Variants in EXOC4 observed in about 807,000 individuals in gnomAD.
The protein encoded by EXOC4 is SEC8-like 1.
A neutral mutation model predicts 107.2 loss-of-function variants in EXOC4; 71 were observed. That is an observed-to-expected ratio of 0.66 (90% CI 0.55 to 0.81). The LOEUF (loss-of-function observed/expected upper bound fraction) is 0.81. EXOC4 is among the 30% of genes least tolerant of loss of function. EXOC4 has a pLI of 0.00. For synonymous variants in EXOC4, 456 were observed against 441.2 expected, an observed-to-expected ratio of 1.03 and a Z score of -0.42; for missense variants, 1,108 against 1,189.6, an observed-to-expected ratio of 0.93 and a Z score of 1.01.
intron 10 of EXOC4, among the ~76,000 whole-genome samples, chr7:133,772,542 C>T (rs1009477554): frequency 6.9e-6 from 1 of 144,006 alleles, no homozygotes; most frequent in Non-Finnish European, 1.5e-5. Context: ...AAAAAAAAAC[C>T]TTAAATTTGA....
intron 5 of EXOC4, among the ~76,000 whole-genome samples, chr7:133,334,542 C>T (rs1383956458): frequency 6.6e-6 from 1 of 152,072 alleles, no homozygotes; most frequent in Non-Finnish European, 1.5e-5. Flanking sequence ...ATAGGTCAAC[C>T]ACTCTCTGTT....
At chr7:134,066,633 A>G (rs749256493), downstream of EXOC4, 4 of 152,150 alleles carry the variant, frequency 2.6e-5, no homozygotes, top group Admixed American at 1.3e-4. Flanking sequence ...TGGGTGGTCA[A>G]TGGCTACCTC....
chr7:133,943,348 A>G (rs568332955), intron 14 of EXOC4, among the ~76,000 whole-genome samples: 1 of 152,188 alleles, frequency 6.6e-6, no homozygotes, highest in Admixed American at 6.5e-5. Context: ...TTGGCTCTGC[A>G]TTATCAAAAT....
intron 1 of EXOC4, among the ~76,000 whole-genome samples, chr7:133,259,377 C>T (rs1217404557): frequency 2.6e-5 from 4 of 151,762 alleles, no homozygotes; most frequent in Admixed American, 2.0e-4. Context: ...GGATTACAGG[C>T]ACCATGCCCA....
chr7:133,794,412 G>A (rs1297229630), intron 10 of EXOC4, among the ~76,000 whole-genome samples: 1 of 152,168 alleles, frequency 6.6e-6, no homozygotes. Context: ...CAGTAACATG[G>A]AGGCTACCTG....
the EXOC4 span, among the ~76,000 whole-genome samples, chr7:134,074,834 A>C: frequency 2.6e-5 from 4 of 152,262 alleles, no homozygotes; most frequent in Admixed American, 2.6e-4. Flanking sequence ...AGGCTCACGG[A>C]GCATTTCTGA....
In EXOC4 at chr7:133,473,397, A is replaced by G. The variant is rs199669026; in HGVS notation, c.1183-1931A>G. Reference sequence around the variant, plus strand: ...TTTCCAAGTGCAATCCTTATTGGACAGAAAATTAAATAAAGTACATTTACT... The same window carrying G: ...TTTCCAAGTGCAATCCTTATTGGACGGAAAATTAAATAAAGTACATTTACT... On this transcript the variant is annotated intron_variant, in intron 7 of 17. Transcript: ENST00000253861. Among the ~76,000 whole-genome samples, 74 of 152,344 alleles carry G rather than the reference A, an allele frequency of 4.9e-4. No individual in the cohort carries two copies. The East Asian group carries it at 7.5e-3, about 15-fold the overall frequency.
chr7:133,318,106 T>C (rs1795032747), intron 5 of EXOC4, among the ~76,000 whole-genome samples: 3 of 152,218 alleles, frequency 2.0e-5, no homozygotes. Context: ...AGCTTCTGAG[T>C]GTGTGACCTC....
intron 7 of EXOC4, among the ~76,000 whole-genome samples, chr7:133,401,708 T>C (rs1467242753): frequency 6.6e-6 from 1 of 151,716 alleles, no homozygotes; most frequent in Non-Finnish European, 1.5e-5. Context: ...TCATTGAGAA[T>C]TTTTTTTAAT....
At chr7:133,404,014 A>G (rs576029191) in intron 7 of EXOC4, among the ~76,000 whole-genome samples, 11 of 152,222 alleles carry the variant, frequency 7.2e-5, no homozygotes, top group East Asian at 5.8e-4. Context: ...ATACCATCCT[A>G]TTAACTGATC....
At chr7:133,452,076 C>T (rs937077677) in intron 7 of EXOC4, among the ~76,000 whole-genome samples, 3 of 152,006 alleles carry the variant, frequency 2.0e-5, no homozygotes, top group Admixed American at 1.3e-4. Flanking sequence ...GCTTTTTGTC[C>T]TACTCAGAAG....
At chr7:133,735,505 T>C (rs745953326) in intron 10 of EXOC4, among the ~76,000 whole-genome samples, 42 of 152,146 alleles carry the variant, frequency 2.8e-4, no homozygotes, top group Non-Finnish European at 5.1e-4. Context: ...CCTGCCTCAG[T>C]TAAATGGGAT....
At chr7:133,759,073 T>C (rs1218154212) in intron 10 of EXOC4, among the ~76,000 whole-genome samples, 1 of 151,878 alleles carries the variant, frequency 6.6e-6, no homozygotes, top group South Asian at 2.1e-4. Context: ...TTGCTCCCCA[T>C]GCCAAAAAAC....
intron 14 of EXOC4, among the ~76,000 whole-genome samples, chr7:133,980,919 G>C (rs2116915435): frequency 6.6e-6 from 1 of 152,316 alleles, no homozygotes; most frequent in Non-Finnish European, 1.5e-5. Flanking sequence ...CAAAGCATTA[G>C]TCAATATGTG....
At chr7:134,064,074 C>G (rs1713427151) in intron 17 of EXOC4, among the ~76,000 whole-genome samples, 1 of 152,154 alleles carries the variant, frequency 6.6e-6, no homozygotes, top group African/African-American at 2.4e-5. Flanking sequence ...CCTGGGTCCT[C>G]ACTTAGACTT....
chr7:133,768,136 A>G (rs998572395), intron 10 of EXOC4: 3 of 152,002 alleles, frequency 2.0e-5, no homozygotes, highest in African/African-American at 7.2e-5. Context: ...CTAAGACAGA[A>G]GACTAAGAAA....
intron 14 of EXOC4, among the ~76,000 whole-genome samples, chr7:133,956,465 C>G (rs1262038133): frequency 6.6e-6 from 1 of 152,132 alleles, no homozygotes; most frequent in Admixed American, 6.5e-5. Flanking sequence ...GTTATCTGTA[C>G]CTAGTATTAG....
intron 3 of EXOC4, among the ~76,000 whole-genome samples, chr7:133,290,327 T>C (rs1242696811): frequency 2.0e-5 from 3 of 152,130 alleles, no homozygotes; most frequent in Admixed American, 1.3e-4. Context: ...CAAAAAAAGA[T>C]TGACTCTTGG....
intron 9 of EXOC4, among the ~76,000 whole-genome samples, chr7:133,588,939 T>C (rs1399392500): frequency 6.6e-6 from 1 of 150,846 alleles, no homozygotes; most frequent in Middle Eastern, 3.2e-3. Flanking sequence ...TGTGTGTGTG[T>C]ATGTATATGT....
Sources: gnomAD v4.1 joint callset for allele counts (sites outside exome capture counted in the v4.1 genomes callset) on GRCh38, gnomAD v4.1.1 for gene constraint, MANE v1.5 for transcripts, NCBI Gene and HGNC (gene_info 2026-07-23, HGNC 2026-07-21) for gene names.